The following DMD variants were observed in gnomAD, a reference collection of about 807,000 sequenced individuals.
DMD encodes the protein mutant dystrophin.
DMD carries 63 observed loss-of-function variants against 330.1 expected under a neutral mutation model. That is an observed-to-expected ratio of 0.19 (90% confidence interval 0.16 to 0.24). The LOEUF is 0.24. Ranked by LOEUF, DMD falls within the 10% of genes least tolerant of loss-of-function variation. The probability of loss-of-function intolerance (pLI) is 1.00; values close to 1 mark genes in which losing one functional copy is unlikely to be tolerated. For missense variants in DMD, 3,344 were observed against 2,684.1 expected, an observed-to-expected ratio of 1.25 and a Z score of -5.43; for synonymous variants, 1,223 against 959.8, an observed-to-expected ratio of 1.27 and a Z score of -5.07.
chrX:32,801,543 T>C (rs1452119264), intron 7 of DMD, among the ~76,000 whole-genome samples: 1 of 112,352 alleles, frequency 8.9e-6, no homozygotes, highest in Non-Finnish European at 1.9e-5. Flanking sequence ...TTGGCTTTTC[T>C]TGCCATTGCT....
chrX:31,971,264 C>T (rs1240439996), intron 44 of DMD, among the ~76,000 whole-genome samples: 1 of 111,997 alleles, frequency 8.9e-6, no homozygotes, highest in African/African-American at 3.2e-5. Flanking sequence ...AATGCTGCAG[C>T]ATTTTTATCT....
intron 47 of DMD, among the ~76,000 whole-genome samples, chrX:31,896,178 T>A (rs1205940694): frequency 8.9e-6 from 1 of 112,050 alleles, no homozygotes; most frequent in African/African-American, 3.2e-5. Flanking sequence ...GAAAGAAACT[T>A]GGCAGGGTCT....
intron 53 of DMD, among the ~76,000 whole-genome samples, chrX:31,675,247 C>T (rs765894298): frequency 9.8e-5 from 11 of 112,326 alleles, no homozygotes; most frequent in Non-Finnish European, 2.1e-4. Flanking sequence ...AATCAAGACT[C>T]TCCTGTTGCT....
intron 2 of DMD, among the ~76,000 whole-genome samples, chrX:32,906,541 C>A (rs2086741051): frequency 8.9e-6 from 1 of 111,938 alleles, no homozygotes. Flanking sequence ...AGAACTAAGA[C>A]AGAGCTAGCT....
intron 2 of DMD, among the ~76,000 whole-genome samples, chrX:32,932,304 C>T (rs2089656880): frequency 8.9e-6 from 1 of 111,894 alleles, no homozygotes; most frequent in South Asian, 3.7e-4. Flanking sequence ...GTGTGCAGGA[C>T]CATATTTGAA....
intron 9 of DMD, among the ~76,000 whole-genome samples, chrX:32,671,652 T>C (rs985903478): frequency 4.5e-5 from 5 of 112,099 alleles, no homozygotes; most frequent in African/African-American, 1.6e-4. Context: ...TACATCAGGT[T>C]GACCTGGGAG....
At chrX:31,446,146 A>T (rs936029023) in intron 59 of DMD, among the ~76,000 whole-genome samples, 1 of 112,193 alleles carries the variant, frequency 8.9e-6, no homozygotes, top group Admixed American at 9.5e-5. Flanking sequence ...TCTCAAATCA[A>T]CCTGAATACT....
intron 55 of DMD, among the ~76,000 whole-genome samples, chrX:31,543,462 C>T (rs2073963683): frequency 8.9e-6 from 1 of 112,163 alleles, no homozygotes; most frequent in African/African-American, 3.2e-5. Flanking sequence ...TGAGCCACTG[C>T]ACCTGGCCTG....
chrX:33,176,423 A>T (rs899875737), intron 1 of DMD, among the ~76,000 whole-genome samples: 4 of 15,694 alleles, frequency 2.5e-4, no homozygotes, highest in Non-Finnish European at 2.6e-4. Context: ...AGTTAATGTA[A>T]AAAAAAAAAA....
rs138634089 is a variant in DMD, at chrX:31,705,569, A to G, written c.7660+24062T>C. Among the ~76,000 whole-genome samples, 230 of 112,556 alleles carry G rather than the reference A, an allele frequency of 2.0e-3. 3 individuals are homozygous for G. Among genetic ancestry groups the G allele is most frequent in the African/African-American group, 6.9e-3 (215 of 31,033 alleles). On this transcript the variant is annotated intron_variant, in intron 52 of 78. Transcript: ENST00000357033. ...AGGCTGCATGTCGTGTCTGAAAATCATTTTGCTTAAAGCTGCTTTGTTGGG... is the reference window on the plus strand; with the variant it reads ...AGGCTGCATGTCGTGTCTGAAAATCGTTTTGCTTAAAGCTGCTTTGTTGGG...
At chrX:32,716,224 T>C (rs2065708838) in intron 7 of DMD, among the ~76,000 whole-genome samples, 1 of 111,110 alleles carries the variant, frequency 9.0e-6, no homozygotes, top group Admixed American at 9.6e-5. Context: ...TGAGTTGTGT[T>C]CCCCAGTGTT....
At chrX:31,708,997 C>T (rs1019350013) in intron 52 of DMD, among the ~76,000 whole-genome samples, 1 of 111,998 alleles carries the variant, frequency 8.9e-6, no homozygotes, top group South Asian at 3.7e-4. Context: ...ATCGGCTGGG[C>T]GTGGTGGCTC....
At chrX:33,269,011 C>T (rs1203771824) in intron 1 of DMD, among the ~76,000 whole-genome samples, 1 of 110,765 alleles carries the variant, frequency 9.0e-6, no homozygotes, top group Admixed American at 9.7e-5. Context: ...ATTTCAGCCC[C>T]CGTGGCAAGC....
chrX:31,384,668 GA>G (rs1347108840), intron 60 of DMD, among the ~76,000 whole-genome samples: 2 of 111,568 alleles, frequency 1.8e-5, no homozygotes, highest in Non-Finnish European at 3.8e-5. Flanking sequence ...CTGTATAACT[GA>G]AACCATGGCC....
At chrX:33,269,396 C>T (rs1461278012) in intron 1 of DMD, among the ~76,000 whole-genome samples, 1 of 110,568 alleles carries the variant, frequency 9.0e-6, no homozygotes, top group Non-Finnish European at 1.9e-5. Flanking sequence ...TTGAGCACAA[C>T]GGACATAAAC....
At chrX:31,805,144 C>T (rs901580398) in intron 50 of DMD, among the ~76,000 whole-genome samples, 4 of 111,518 alleles carry the variant, frequency 3.6e-5, no homozygotes, top group Non-Finnish European at 5.7e-5. Context: ...GGAACTGCAC[C>T]AGTTAAGTCA....
chrX:32,753,224 G>A (rs1178085522), intron 7 of DMD, among the ~76,000 whole-genome samples: 6 of 111,330 alleles, frequency 5.4e-5, no homozygotes, highest in Admixed American at 2.9e-4. Context: ...ATAGCACTCT[G>A]AATTTTAAAT....
intron 1 of DMD, among the ~76,000 whole-genome samples, chrX:33,206,671 C>T (rs1313431204): frequency 2.7e-5 from 3 of 111,392 alleles, no homozygotes; most frequent in Non-Finnish European, 5.7e-5. Flanking sequence ...CCGTTGCCTA[C>T]TGAAATTCCC....
chrX:31,378,997 G>A (rs931086791), intron 60 of DMD, among the ~76,000 whole-genome samples: 1 of 110,491 alleles, frequency 9.1e-6, no homozygotes, highest in Non-Finnish European at 1.9e-5. Context: ...ATAGGCAAAC[G>A]GTCTGAGGTG....
Sources: allele counts gnomAD v4.1 joint callset (sites outside exome capture counted in the v4.1 genomes callset), GRCh38; gene constraint gnomAD v4.1.1; transcripts MANE v1.5; gene names NCBI Gene and HGNC (gene_info 2026-07-23, HGNC 2026-07-21).